NOXRED1: variants seen among roughly 807,000 people sequenced by gnomAD.
The protein encoded by NOXRED1 is NADP-dependent oxidoreductase domain-containing protein 1.
NOXRED1 carries 20 observed loss-of-function variants against 30.4 expected under a neutral mutation model. The ratio of observed to expected loss-of-function variants is 0.66; its 90% CI spans 0.46 to 0.96. The LOEUF (loss-of-function observed/expected upper bound fraction) is 0.96. Ranked by LOEUF, NOXRED1 falls within the 40% of genes least tolerant of loss-of-function variation. The pLI, the probability that NOXRED1 is intolerant of heterozygous loss-of-function variation, is 0.00. For synonymous variants in NOXRED1, 155 were observed against 168.0 expected (o/e 0.92, Z 0.60); for missense variants, 374 against 428.0 (o/e 0.87, Z 1.11).
chr14:77,420,343 A>G (rs1279633720), intron 1 of NOXRED1, among the ~76,000 whole-genome samples: 1 of 150,242 alleles, frequency 6.7e-6, no homozygotes, highest in Non-Finnish European at 1.5e-5. Flanking sequence ...TATTTTATTC[A>G]TGTATTGTTT....
chr14:77,408,919 C>A (rs114792273), intron 2 of NOXRED1, among the ~76,000 whole-genome samples: 502 of 3,756 alleles, frequency 0.13, 5 homozygotes, highest in Admixed American at 0.18. Context: ...TTTTGGCTAG[C>A]GATGGGATCT....
intron 5 of NOXRED1, among the ~76,000 whole-genome samples, chr14:77,405,006 A>G (rs1190146052): frequency 6.6e-6 from 1 of 152,212 alleles, no homozygotes; most frequent in Non-Finnish European, 1.5e-5. Flanking sequence ...GCAATTTGGG[A>G]ACACCTATCA....
upstream of NOXRED1, among the ~76,000 whole-genome samples, chr14:77,424,284 A>T (rs564732017): frequency 6.6e-6 from 1 of 152,170 alleles, no homozygotes; most frequent in Admixed American, 6.5e-5. Flanking sequence ...CCCCATCTCT[A>T]CTAAAAAGCT....
At chr14:77,407,908 C>T (rs1894524543) in intron 2 of NOXRED1, among the ~76,000 whole-genome samples, 2 of 149,228 alleles carry the variant, frequency 1.3e-5, no homozygotes, top group South Asian at 4.2e-4. Context: ...CACTCTGACG[C>T]CCAGGCTGCA....
chr14:77,415,999 G>T (rs1025745990), intron 1 of NOXRED1, among the ~76,000 whole-genome samples: 1 of 152,080 alleles, frequency 6.6e-6, no homozygotes, highest in Non-Finnish European at 1.5e-5. Context: ...ATAGGCATGA[G>T]CCACCACACC....
chr14:77,409,786 T>C (rs1894592454), intron 2 of NOXRED1, among the ~76,000 whole-genome samples: 1 of 151,998 alleles, frequency 6.6e-6, no homozygotes, highest in South Asian at 2.1e-4. Flanking sequence ...GTCCTATTGA[T>C]GGGATAAAGA....
chr14:77,417,233 T>C (rs1235394936), intron 1 of NOXRED1, among the ~76,000 whole-genome samples: 1 of 152,036 alleles, frequency 6.6e-6, no homozygotes, highest in African/African-American at 2.4e-5. Context: ...TCCTGGAAAA[T>C]GTTCCATGTG....
At chr14:77,402,024 T>C (rs1309023237) in intron 5 of NOXRED1, among the ~76,000 whole-genome samples, 7 of 152,198 alleles carry the variant, frequency 4.6e-5, no homozygotes, top group Admixed American at 2.6e-4. Flanking sequence ...CTTACACCCT[T>C]CACAGAAGTT....
At chr14:77,401,192 G>A (rs1236645323) in intron 5 of NOXRED1, among the ~76,000 whole-genome samples, 1 of 152,034 alleles carries the variant, frequency 6.6e-6, no homozygotes, top group African/African-American at 2.4e-5. Flanking sequence ...GGCCAACATG[G>A]TGAAACCCCA....
chr14:77,411,207 G>A (rs760008717), intron 2 of NOXRED1, among the ~76,000 whole-genome samples: 72 of 152,188 alleles, frequency 4.7e-4, no homozygotes, highest in Non-Finnish European at 8.7e-4. Flanking sequence ...GGTGGCTCAC[G>A]CTTGTAATCC....
chr14:77,406,530 G>A, intron 4 of NOXRED1, 194 bp downstream of exon 4: 1 of 681,686 alleles, frequency 1.5e-6, no homozygotes, highest in Non-Finnish European at 2.6e-6. Context: ...TCCTTAAGAA[G>A]TCCAAATGAT....
At position 77,414,071 on chromosome 14, in the gene NOXRED1, G is replaced by A. The variant is rs1894741047; in HGVS notation, c.212C>T (p.Ser71Leu). 14 of 1,608,324 alleles carry A rather than the reference G, an allele frequency of 8.7e-6. No homozygotes were observed. Among genetic ancestry groups the A allele is most frequent in the Non-Finnish European group, 1.2e-5 (14 of 1,176,334 alleles). ...CACCTTAAACTCTTCAGGAGTGGCTGAATTAAGGGAGCCAATTGAGAGATG... is the reference window on the plus strand; with the variant it reads ...CACCTTAAACTCTTCAGGAGTGGCTAAATTAAGGGAGCCAATTGAGAGATG... Reference protein sequence around the residue: ...SRHLSIGSLNSATPEEFKVGI... With the variant: ...SRHLSIGSLNLATPEEFKVGI... Residue 71 changes from serine to leucine, a missense_variant, in exon 2 of 6, where the codon TCA becomes TTA. Physicochemically the swap from Ser to Leu is moderately radical, Grantham distance 145. Coordinates refer to ENST00000380835, the MANE Select transcript of NOXRED1 (RefSeq NM_001113475.3).
At chr14:77,412,666 C>T (rs1042258134) in intron 2 of NOXRED1, among the ~76,000 whole-genome samples, 2 of 152,092 alleles carry the variant, frequency 1.3e-5, no homozygotes, top group African/African-American at 4.8e-5. Flanking sequence ...GAACCCACCA[C>T]TACACCTGGC....
upstream of NOXRED1, among the ~76,000 whole-genome samples, chr14:77,423,821 C>T (rs569691779): frequency 1.8e-4 from 28 of 152,180 alleles, no homozygotes; most frequent in South Asian, 8.3e-4. Context: ...GTTCAAGAAA[C>T]CAATAAAATT....
chr14:77,414,639 A>C (rs547017854), intron 1 of NOXRED1, among the ~76,000 whole-genome samples: 1 of 152,296 alleles, frequency 6.6e-6, no homozygotes, highest in African/African-American at 2.4e-5. Context: ...TTCCAGAAAC[A>C]AAAGTATAAC....
intron 5 of NOXRED1, among the ~76,000 whole-genome samples, chr14:77,399,212 A>T (rs538396263): frequency 6.6e-6 from 1 of 152,138 alleles, no homozygotes; most frequent in South Asian, 2.1e-4. Context: ...AATCCCAGCA[A>T]TCTGGGAGGC....
intron 1 of NOXRED1, among the ~76,000 whole-genome samples, chr14:77,417,621 T>C (rs557575766): frequency 1.1e-3 from 172 of 152,374 alleles, no homozygotes; most frequent in African/African-American, 4.1e-3. Context: ...TACGTGGAAT[T>C]ATCTTTCTCT....
rs1894790958 is a variant in NOXRED1 at position 77,415,592 on chromosome 14, A to AGAT, written c.156-1468_156-1466dup. Among the ~76,000 whole-genome samples, 4 of 106,224 alleles carry AGAT rather than the reference A, an allele frequency of 3.8e-5. No individual in the cohort carries two copies. The Admixed American group carries it at 4.0e-4, about 11-fold the overall frequency. The allele number at this position is 106,224 out of a possible 152,430, so 69.7% of individuals were successfully genotyped here. A position where few individuals can be genotyped will look rare whatever the true frequency, so the allele number is the denominator to read the frequency against. On this transcript the variant is annotated intron_variant, in intron 1 of 5. Transcript: ENST00000380835. Reference sequence around the variant, plus strand: ...TCAAAAAAAGAAAATACATATAGATAGATAGATAGATAGATAGATAGATAG... The same window carrying AGAT: ...TCAAAAAAAGAAAATACATATAGATAGATGATAGATAGATAGATAGATAGATAG...
chr14:77,424,978 C>T (rs958586312), upstream of NOXRED1, among the ~76,000 whole-genome samples: 6 of 152,190 alleles, frequency 3.9e-5, no homozygotes, highest in African/African-American at 1.4e-4. Context: ...GGGCCTGTAA[C>T]TGCTACATCT....
Sources: allele counts gnomAD v4.1 joint callset (sites outside exome capture counted in the v4.1 genomes callset), GRCh38; gene constraint gnomAD v4.1.1; transcripts MANE v1.5; gene names NCBI Gene and HGNC (gene_info 2026-07-23, HGNC 2026-07-21).